SMYD3: variants seen among roughly 807,000 people sequenced by gnomAD.
The protein encoded by SMYD3 is SET and MYND domain containing 3, also known as histone-lysine N-methyltransferase SMYD3.
Under a neutral mutation model 57.7 loss-of-function variants are expected in SMYD3, and 36 were observed. That is an observed-to-expected ratio of 0.62 (90% CI 0.48 to 0.82). The LOEUF is 0.82. Among genes scored for constraint, SMYD3 ranks in the 40% least tolerant of loss-of-function variants. SMYD3 has a pLI of 0.00. For synonymous variants in SMYD3, 211 were observed against 195.0 expected (o/e 1.08, Z -0.68); for missense variants, 515 against 538.8 (o/e 0.96, Z 0.44).
At chr1:246,148,802 A>AT (rs1486601396) in intron 5 of SMYD3, among the ~76,000 whole-genome samples, 6 of 152,194 alleles carry the variant, frequency 3.9e-5, no homozygotes, top group Non-Finnish European at 7.3e-5. Context: ...TTTTCCAGGG[A>AT]TCAGCCCTTT....
chr1:245,988,133 CA>C (rs2058741664), intron 5 of SMYD3, among the ~76,000 whole-genome samples: 1 of 151,810 alleles, frequency 6.6e-6, no homozygotes, highest in African/African-American at 2.4e-5. Flanking sequence ...CACACACACA[CA>C]CACACACCGC....
chr1:246,105,097 G>C (rs2061093626), intron 5 of SMYD3, among the ~76,000 whole-genome samples: 1 of 152,124 alleles, frequency 6.6e-6, no homozygotes, highest in Admixed American at 6.5e-5. Flanking sequence ...CATCCTAACA[G>C]GATTCTTGCC....
intron 5 of SMYD3, among the ~76,000 whole-genome samples, chr1:245,957,257 C>T (rs561154561): frequency 1.2e-4 from 18 of 152,290 alleles, no homozygotes; most frequent in African/African-American, 4.3e-4. Flanking sequence ...TTAGACCTGA[C>T]TAGCTAAAAA....
intron 5 of SMYD3, among the ~76,000 whole-genome samples, chr1:246,260,458 T>A (rs1008163292): frequency 2.0e-5 from 3 of 152,156 alleles, no homozygotes; most frequent in Non-Finnish European, 4.4e-5. Flanking sequence ...TTTGTTTGTT[T>A]GTTTCTTTTT....
chr1:246,323,258 G>GGT, intron 5 of SMYD3, among the ~76,000 whole-genome samples: 1 of 152,220 alleles, frequency 6.6e-6, no homozygotes, highest in Non-Finnish European at 1.5e-5. Flanking sequence ...TTGCTATTAG[G>GGT]GTGTGTGTGT....
At chr1:246,440,236 C>A (rs1014125505) in intron 1 of SMYD3, among the ~76,000 whole-genome samples, 2 of 152,060 alleles carry the variant, frequency 1.3e-5, no homozygotes, top group Non-Finnish European at 2.9e-5. Context: ...TTTTCAAGAC[C>A]TCAGATGCCA....
intron 5 of SMYD3, among the ~76,000 whole-genome samples, chr1:246,109,512 A>C (rs919394088): frequency 6.6e-6 from 1 of 152,242 alleles, no homozygotes; most frequent in Non-Finnish European, 1.5e-5. Context: ...TGTTCTAAGA[A>C]TCCAAAGGAA....
chr1:246,426,718 C>T lies in SMYD3; in HGVS notation c.165-71624G>A, dbSNP rs181907983. On this transcript the variant is annotated intron_variant, in intron 1 of 11. Coordinates refer to ENST00000490107, the MANE Select transcript of SMYD3 (RefSeq NM_001167740.2). ...ATACTGCCAGTACAATGGTCCCAAC[C>T]TTTGTGGGAATATTCTTAGTGTCTT... 2.0e-5 allele frequency among the ~76,000 whole-genome samples: 3 copies of T among 152,220 alleles called. No individual in the cohort carries two copies. In the East Asian group the frequency reaches 5.8e-4, roughly 29 times the overall value.
chr1:246,502,275 A>T (rs10802416), intron 1 of SMYD3, among the ~76,000 whole-genome samples: 97,059 of 151,662 alleles, frequency 0.64, 31,319 homozygotes, highest in East Asian at 0.89. Flanking sequence ...AGTAGCTGGG[A>T]CTACAGGCAT....
intron 5 of SMYD3, among the ~76,000 whole-genome samples, chr1:246,298,103 C>T (rs75977721): frequency 0.023 from 3,504 of 152,122 alleles, 145 homozygotes; most frequent in African/African-American, 0.08. Flanking sequence ...ACAACATAAG[C>T]TTTTTCCTTT....
intron 5 of SMYD3, among the ~76,000 whole-genome samples, chr1:246,163,420 A>G (rs1047089166): frequency 6.6e-6 from 1 of 152,206 alleles, no homozygotes; most frequent in Non-Finnish European, 1.5e-5. Flanking sequence ...CTTTAATTTT[A>G]TAGGCTTATA....
intron 11 of SMYD3, among the ~76,000 whole-genome samples, chr1:245,752,443 T>C (rs145960053): frequency 7.4e-4 from 113 of 152,314 alleles, no homozygotes; most frequent in African/African-American, 2.6e-3. Context: ...TGATCTGTGC[T>C]TCTCTCTGAC....
intron 1 of SMYD3, among the ~76,000 whole-genome samples, chr1:246,461,475 T>C (rs1228135933): frequency 6.6e-6 from 1 of 152,136 alleles, no homozygotes; most frequent in African/African-American, 2.4e-5. Context: ...CATAAACATG[T>C]TTCTATAGAA....
chr1:245,814,874 G>A (rs751892508), intron 10 of SMYD3, among the ~76,000 whole-genome samples: 155 of 138,212 alleles, frequency 1.1e-3, no homozygotes, highest in African/African-American at 4.5e-3. Flanking sequence ...ACACACACAC[G>A]CACGCACACA....
At chr1:246,442,113 G>A (rs1028167948) in intron 1 of SMYD3, among the ~76,000 whole-genome samples, 5 of 152,210 alleles carry the variant, frequency 3.3e-5, no homozygotes, top group Non-Finnish European at 7.3e-5. Context: ...GTGCTACAAT[G>A]TGTAAGCGCT....
intron 5 of SMYD3, among the ~76,000 whole-genome samples, chr1:246,032,899 T>C (rs1448008693): frequency 1.3e-5 from 2 of 152,216 alleles, no homozygotes; most frequent in Non-Finnish European, 2.9e-5. Context: ...TATGTAATTT[T>C]GGGTATGTGA....
chr1:246,087,373 C>G (rs892990830), intron 5 of SMYD3, among the ~76,000 whole-genome samples: 1 of 152,138 alleles, frequency 6.6e-6, no homozygotes, highest in Non-Finnish European at 1.5e-5. Flanking sequence ...TCTCTAGAAC[C>G]CTGGGTTCTA....
intron 10 of SMYD3, among the ~76,000 whole-genome samples, chr1:245,831,889 G>A (rs892227658): frequency 5.9e-5 from 9 of 152,170 alleles, no homozygotes; most frequent in South Asian, 2.1e-4. Flanking sequence ...TAATTTGGGC[G>A]TTTTGAATTG....
At chr1:246,363,470 G>A (rs1160676431) in intron 1 of SMYD3, among the ~76,000 whole-genome samples, 2 of 152,180 alleles carry the variant, frequency 1.3e-5, no homozygotes, top group Non-Finnish European at 2.9e-5. Context: ...CGGTTTTGTG[G>A]AATAGAAAAG....
Sources: allele counts gnomAD v4.1 joint callset (sites outside exome capture counted in the v4.1 genomes callset), GRCh38; gene constraint gnomAD v4.1.1; transcripts MANE v1.5; gene names NCBI Gene and HGNC (gene_info 2026-07-23, HGNC 2026-07-21).